The following GTF3C5 variants were observed in gnomAD, a reference collection of about 807,000 sequenced individuals.
GTF3C5 encodes the protein general transcription factor 3C polypeptide 5.
A neutral mutation model predicts 61.0 loss-of-function variants in GTF3C5; 47 were observed. The ratio of observed to expected loss-of-function variants is 0.77; its 90% CI spans 0.61 to 0.98. GTF3C5 has a LOEUF of 0.98. Among genes scored for constraint, GTF3C5 ranks in the 50% least tolerant of loss-of-function variants. The probability of loss-of-function intolerance (pLI) is 0.00; values close to 1 mark genes in which losing one functional copy is unlikely to be tolerated. For missense variants in GTF3C5, 659 were observed against 703.3 expected (o/e 0.94, Z 0.71); for synonymous variants, 295 against 275.4 (o/e 1.07, Z -0.71).
At position 133,055,999 on chromosome 9, in the gene GTF3C5, C is replaced by G. The variant is rs199790336; in HGVS notation, c.1168-13C>G. 90 of 1,613,936 alleles carry G rather than the reference C, an allele frequency of 5.6e-5. No individual in the cohort carries two copies. Among genetic ancestry groups the G allele is most frequent in the Non-Finnish European group, 6.1e-5 (72 of 1,179,936 alleles). On this transcript the variant is annotated splice_polypyrimidine_tract_variant and intron_variant, in intron 8 of 10. Transcript: ENST00000372097. ...GGCTCACCTTCCCTGTCTCTCTCCC[C>G]CTTTGTCACCAGGACTCTGTCTACA...
At chr9:133,038,758 C>T (rs907322624) in intron 1 of GTF3C5, among the ~76,000 whole-genome samples, 2 of 151,888 alleles carry the variant, frequency 1.3e-5, no homozygotes, top group Admixed American at 1.3e-4. Flanking sequence ...CGCCCGGCTC[C>T]TAGGGGCTTT....
chr9:133,050,701 TG>T, intron 3 of GTF3C5, 81 bp from the exon 4 acceptor site: 1 of 1,021,620 alleles, frequency 9.8e-7, no homozygotes, highest in Non-Finnish European at 1.5e-6. Context: ...TGGGGGGTTC[TG>T]GGCTCCCTGC....
upstream of GTF3C5, chr9:133,030,741 T>C (rs879608212): frequency 1.2e-5 from 7 of 572,502 alleles, no homozygotes; most frequent in Non-Finnish European, 2.2e-5. Flanking sequence ...CGCTGGCTAG[T>C]AGGAGAGACT....
At chr9:133,054,375 C>T (rs200854543) in intron 6 of GTF3C5, 33 bp from the exon 7 acceptor site, 1 of 1,588,390 alleles carries the variant, frequency 6.3e-7, no homozygotes, top group Non-Finnish European at 8.6e-7. Flanking sequence ...GGCCCTGTGC[C>T]CGCCCACCTG....
chr9:133,054,630 C>T, intron 7 of GTF3C5, 82 bp from the exon 8 acceptor site: 3 of 1,426,436 alleles, frequency 2.1e-6, no homozygotes, highest in Non-Finnish European at 2.9e-6. Flanking sequence ...GGTGGGCTGG[C>T]AGGAGGGCAG....
chr9:133,046,359 A>G (rs1490300105), intron 3 of GTF3C5, among the ~76,000 whole-genome samples: 4 of 152,126 alleles, frequency 2.6e-5, no homozygotes, highest in Admixed American at 2.0e-4. Context: ...AAACAGAAAA[A>G]AGAGCGGACT....
intron 4 of GTF3C5, among the ~76,000 whole-genome samples, chr9:133,051,407 C>T (rs1398090508): frequency 1.3e-5 from 2 of 152,158 alleles, no homozygotes; most frequent in East Asian, 1.9e-4. Flanking sequence ...CCTGCGTCCC[C>T]ACTGGCATGA....
chr9:133,032,378 C>A (rs1849757001), intron 1 of GTF3C5, among the ~76,000 whole-genome samples: 1 of 152,004 alleles, frequency 6.6e-6, no homozygotes, highest in Admixed American at 6.6e-5. Flanking sequence ...CGAGCGATTT[C>A]GGTGGGAAGA....
rs541367023 is a variant in GTF3C5, at chr9:133,052,418, C to G, written c.873+254C>G. ...CCTTCCTTCCCCCCTGTCCTGGCCC[C>G]CCGATCCTAGCATCCCTAAGACAGC... is the stretch of plus-strand genomic sequence containing the variant. On this transcript the variant is annotated intron_variant, in intron 5 of 10. Coordinates refer to ENST00000372097, the MANE Select transcript of GTF3C5 (RefSeq NM_012087.4). 1.1e-3 allele frequency among the ~76,000 whole-genome samples: 153 copies of G among 141,054 alleles called. 1 individual carries two copies. The Middle Eastern group carries it at 0.015, about 13-fold the overall frequency. The allele number at this position is 141,054 out of a possible 152,430, so 92.5% of individuals were successfully genotyped here.
upstream of GTF3C5, chr9:133,030,780 C>G (rs1849701958): frequency 4.7e-6 from 3 of 634,818 alleles, no homozygotes; most frequent in Non-Finnish European, 5.8e-6. Context: ...TGGACTAACT[C>G]GCTTAATTTT....
intron 8 of GTF3C5, 133 bp from the exon 9 acceptor site, chr9:133,055,879 G>A: frequency 6.8e-7 from 1 of 1,460,612 alleles, no homozygotes; most frequent in South Asian, 1.4e-5. Context: ...CTTCCAGCCT[G>A]TCTGCCCAAC....
In GTF3C5 at chr9:133,056,824, G is replaced by A. The variant is rs1347263296; in HGVS notation, c.1309G>A (p.Gly437Arg). ...AGAGAATTCCTGCACAGAACGGGAT[G>A]GGTGGTGCCTCCCCAAGACCAGCGA... is the stretch of plus-strand genomic sequence containing the variant. ...GAENSCTERDGWCLPKTSDEL... is the reference protein window; with the variant it reads ...GAENSCTERDRWCLPKTSDEL... The change falls in exon 10 of 11, where the codon GGG becomes AGG. Residue 437 changes from glycine to arginine, a missense_variant. Gly to Arg is a moderately radical substitution (Grantham distance 125). Coordinates refer to ENST00000372097, the MANE Select transcript of GTF3C5 (RefSeq NM_012087.4). 3.1e-6 allele frequency: 5 copies of A among 1,612,014 alleles called. No individual in the cohort carries two copies. The Admixed American group carries it at 8.4e-5, about 27-fold the overall frequency.
chr9:133,035,312 G>A (rs975131788), intron 1 of GTF3C5, among the ~76,000 whole-genome samples: 1 of 152,124 alleles, frequency 6.6e-6, no homozygotes, highest in South Asian at 2.1e-4. Flanking sequence ...GGGGCATTTC[G>A]GTGTAATCAA....
chr9:133,037,679 C>T (rs905594238), intron 1 of GTF3C5, among the ~76,000 whole-genome samples: 5 of 152,122 alleles, frequency 3.3e-5, no homozygotes, highest in Non-Finnish European at 5.9e-5. Context: ...CTCTTCCTAA[C>T]GGGTTAGTTC....
intron 1 of GTF3C5, among the ~76,000 whole-genome samples, chr9:133,039,503 G>A (rs766126150): frequency 6.6e-6 from 1 of 151,974 alleles, no homozygotes; most frequent in Non-Finnish European, 1.5e-5. Flanking sequence ...TCCTAGGCTC[G>A]GGTGATCTTC....
intron 3 of GTF3C5, among the ~76,000 whole-genome samples, chr9:133,048,830 C>T (rs557519416): frequency 6.5e-4 from 99 of 152,328 alleles, no homozygotes; most frequent in Non-Finnish European, 1.1e-3. Flanking sequence ...CCAAGGCCCC[C>T]CTCCCTCCCC....
chr9:133,048,561 TGGG>T (rs946312728), intron 3 of GTF3C5, among the ~76,000 whole-genome samples: 6 of 152,106 alleles, frequency 3.9e-5, no homozygotes, highest in African/African-American at 1.2e-4. Context: ...CCCAGCTACT[TGGG>T]GGGCTGAGGC....
chr9:133,047,059 A>G (rs1850230164), intron 3 of GTF3C5, among the ~76,000 whole-genome samples: 1 of 152,170 alleles, frequency 6.6e-6, no homozygotes, highest in Admixed American at 6.5e-5. Flanking sequence ...AGTGAGCAAC[A>G]TTCTGCTCCT....
In GTF3C5 at chr9:133,043,766, G is replaced by A; in HGVS notation, c.412G>A (p.Ala138Thr). ...DFQYLAVHTE[A>T]GGKHTSMYDK... ...CCAGTACTTGGCTGTGCATACGGAAGCAGGCGGCAAGCATACGTCAATGTA... is the reference window on the plus strand; with the variant it reads ...CCAGTACTTGGCTGTGCATACGGAAACAGGCGGCAAGCATACGTCAATGTA... Residue 138 changes from alanine (A) to threonine (T), a missense_variant, in exon 3 of 11, where the codon GCA (alanine) becomes ACA (threonine). Ala to Thr is a moderately conservative substitution (Grantham distance 58, BLOSUM62 0). Coordinates refer to ENST00000372097, the MANE Select transcript of GTF3C5 (RefSeq NM_012087.4). 6.2e-7 allele frequency: 1 copy of A among 1,614,200 alleles called. No individual in the cohort carries two copies. The highest frequency in any genetic ancestry group is 8.5e-7 in the Non-Finnish European group (1 of 1,180,028).
Sources: gnomAD v4.1 joint callset for allele counts (sites outside exome capture counted in the v4.1 genomes callset) on GRCh38, gnomAD v4.1.1 for gene constraint, MANE v1.5 for transcripts, NCBI Gene and HGNC (gene_info 2026-07-23, HGNC 2026-07-21) for gene names.